Variants in KCNK2 observed in about 807,000 individuals in gnomAD.
KCNK2 encodes potassium channel subfamily K member 2.
A neutral mutation model predicts 40.5 loss-of-function variants in KCNK2; 21 were observed. That is an observed-to-expected ratio of 0.52 (90% CI 0.37 to 0.75). The LOEUF (loss-of-function observed/expected upper bound fraction) is 0.75. Among genes scored for constraint, KCNK2 ranks in the 30% least tolerant of loss-of-function variants. The probability of loss-of-function intolerance (pLI) is 0.00; values close to 1 mark genes in which losing one functional copy is unlikely to be tolerated. For missense variants in KCNK2, 399 were observed against 531.6 expected (o/e 0.75, Z 2.45); for synonymous variants, 191 against 202.2 (o/e 0.94, Z 0.47).
intron 1 of KCNK2, among the ~76,000 whole-genome samples, chr1:215,027,024 T>C (rs1220105955): frequency 2.0e-5 from 3 of 152,094 alleles, no homozygotes; most frequent in Non-Finnish European, 4.4e-5. Flanking sequence ...TCAAGGCATT[T>C]TTTTTCTCCT....
intron 1 of KCNK2, among the ~76,000 whole-genome samples, chr1:215,034,667 C>G (rs1237398446): frequency 6.6e-6 from 1 of 152,082 alleles, no homozygotes; most frequent in Non-Finnish European, 1.5e-5. Flanking sequence ...CCTTCCTCCA[C>G]TGAAATTCTT....
intron 2 of KCNK2, among the ~76,000 whole-genome samples, chr1:215,088,283 G>T (rs1659542112): frequency 6.6e-6 from 1 of 152,126 alleles, no homozygotes; most frequent in Admixed American, 6.5e-5. Context: ...GAGCAGGCAG[G>T]ATGCGTTTTG....
At chr1:215,189,363 A>G (rs1172868040) in intron 5 of KCNK2, among the ~76,000 whole-genome samples, 1 of 152,244 alleles carries the variant, frequency 6.6e-6, no homozygotes, top group Non-Finnish European at 1.5e-5. Flanking sequence ...CGTGAAAAAT[A>G]TTCCAAATTG....
intron 3 of KCNK2, among the ~76,000 whole-genome samples, chr1:215,128,841 CT>C: frequency 6.6e-6 from 1 of 152,320 alleles, no homozygotes; most frequent in Middle Eastern, 3.4e-3. Flanking sequence ...GTAATGTTGA[CT>C]GCTTTAGATG....
intron 5 of KCNK2, among the ~76,000 whole-genome samples, chr1:215,190,843 G>A (rs1039182819): frequency 2.4e-4 from 36 of 152,220 alleles, no homozygotes; most frequent in Admixed American, 1.0e-3. Context: ...GAATGATTTC[G>A]TTCATGGAGG....
At position 215,210,712 on chromosome 1, in the gene KCNK2, G is replaced by A. The variant is rs1209369905; in HGVS notation, c.963+15620G>A. Among the ~76,000 whole-genome samples the A allele has an allele frequency of 3.9e-5, 6 of 152,168 alleles. No homozygotes were observed. The East Asian group carries it at 1.2e-3, about 29-fold the overall frequency. On this transcript the variant is annotated intron_variant, in intron 6 of 6. Coordinates refer to ENST00000444842, the MANE Select transcript of KCNK2 (RefSeq NM_001017425.3). ...TAGGTACAAGGGAGTATATAAGCAT[G>A]TACTAATAATCACTACAGGGTAGAT...
Position 215,169,306 on chromosome 1 carries a change from C to G in KCNK2, c.583C>G (p.Gln195Glu). 1 of 1,613,146 alleles carries G rather than the reference C, an allele frequency of 6.2e-7. No homozygotes were observed. The highest frequency in any genetic ancestry group is 8.5e-7 in the Non-Finnish European group (1 of 1,179,502). The change falls in exon 4 of 7, where the codon CAG (glutamine) becomes GAG (glutamate). Residue 195 changes from glutamine (Q) to glutamate (E), a missense_variant. This residue lies in a region of KCNK2 where 279 missense variants were observed against 353.8 expected (regional missense o/e 0.79). Coordinates refer to ENST00000444842, the MANE Select transcript of KCNK2 (RefSeq NM_001017425.3). ...TTTTCTCTTGGCTGGAGTTGGAGAT[C>G]AGCTAGGCACCATATTTGGAAAAGG... ...FGFLLAGVGD[Q>E]LGTIFGKGIA...
intron 1 of KCNK2, among the ~76,000 whole-genome samples, chr1:215,021,466 G>A (rs1427949371): frequency 7.0e-6 from 1 of 143,598 alleles, no homozygotes; most frequent in Non-Finnish European, 1.6e-5. Flanking sequence ...TCTATTTGTT[G>A]AGGTCCTTGC....
intron 1 of KCNK2, among the ~76,000 whole-genome samples, chr1:215,048,250 G>T (rs1657853555): frequency 6.6e-6 from 1 of 152,048 alleles, no homozygotes; most frequent in Non-Finnish European, 1.5e-5. Flanking sequence ...TTGTGAATTT[G>T]GTATTGACTC....
chr1:215,036,278 C>T (rs1657382860), intron 1 of KCNK2, among the ~76,000 whole-genome samples: 1 of 151,608 alleles, frequency 6.6e-6, no homozygotes, highest in East Asian at 1.9e-4. Flanking sequence ...TGTTCCAGCA[C>T]TATTTGTTGA....
At chr1:215,230,450 G>C (rs1457737387) in intron 6 of KCNK2, among the ~76,000 whole-genome samples, 2 of 138,864 alleles carry the variant, frequency 1.4e-5, no homozygotes, top group East Asian at 4.3e-4. Context: ...CCAAAAAATC[G>C]TGTAGCTCAT....
intron 2 of KCNK2, among the ~76,000 whole-genome samples, chr1:215,094,630 A>G (rs1205168156): frequency 6.6e-6 from 1 of 152,138 alleles, no homozygotes; most frequent in Non-Finnish European, 1.5e-5. Context: ...TTCTTGTATA[A>G]CTACATCAAG....
intron 3 of KCNK2, among the ~76,000 whole-genome samples, chr1:215,156,329 A>C (rs551697798): frequency 6.6e-5 from 10 of 152,330 alleles, no homozygotes; most frequent in African/African-American, 1.9e-4. Flanking sequence ...TGCCGCTTGC[A>C]GTGAACTTAA....
At chr1:215,047,974 T>A (rs901506236) in intron 1 of KCNK2, among the ~76,000 whole-genome samples, 1 of 152,198 alleles carries the variant, frequency 6.6e-6, no homozygotes, top group African/African-American at 2.4e-5. Flanking sequence ...ATTTTCTTCA[T>A]GGAATTTTAC....
intron 3 of KCNK2, among the ~76,000 whole-genome samples, chr1:215,143,070 G>A (rs530780380): frequency 6.6e-6 from 1 of 152,240 alleles, no homozygotes; most frequent in South Asian, 2.1e-4. Context: ...GGAAACTAAG[G>A]TGCGAAGACG....
chr1:215,228,705 T>C (rs1666496430), intron 6 of KCNK2, among the ~76,000 whole-genome samples: 1 of 152,148 alleles, frequency 6.6e-6, no homozygotes, highest in Admixed American at 6.5e-5. Context: ...AAAAATCTGA[T>C]GAAGCAAAAG....
intron 3 of KCNK2, among the ~76,000 whole-genome samples, chr1:215,139,813 A>G (rs926128716): frequency 1.3e-5 from 2 of 152,172 alleles, no homozygotes; most frequent in African/African-American, 2.4e-5. Context: ...TTTTAAAAAT[A>G]TTATGAGGTG....
At chr1:215,164,871 C>T (rs891402237) in intron 3 of KCNK2, among the ~76,000 whole-genome samples, 3 of 152,150 alleles carry the variant, frequency 2.0e-5, no homozygotes, top group Non-Finnish European at 2.9e-5. Context: ...GGTCTGTCTA[C>T]TTCATAGCTG....
chr1:215,008,853 C>G (rs1656278193), intron 1 of KCNK2, among the ~76,000 whole-genome samples: 1 of 151,888 alleles, frequency 6.6e-6, no homozygotes, highest in African/African-American at 2.4e-5. Flanking sequence ...GTAAGGGAAT[C>G]AGAATGCATG....
Sources: allele counts gnomAD v4.1 joint callset (sites outside exome capture counted in the v4.1 genomes callset), GRCh38; gene constraint gnomAD v4.1.1; regional missense constraint gnomAD v4.1.1; transcripts MANE v1.5; gene names NCBI Gene and HGNC (gene_info 2026-07-23, HGNC 2026-07-21).